Variants in HSPBAP1 observed in about 807,000 individuals in gnomAD.
HSPBAP1 encodes HSPB1 associated protein 1.
HSPBAP1 carries 27 observed loss-of-function variants against 45.2 expected under a neutral mutation model. The ratio of observed to expected loss-of-function variants is 0.60; its 90% confidence interval spans 0.44 to 0.82. HSPBAP1 has a LOEUF of 0.82. Ranked by LOEUF, HSPBAP1 falls within the 40% of genes least tolerant of loss-of-function variation. HSPBAP1 has a pLI of 0.00. For synonymous variants in HSPBAP1, 204 were observed against 202.7 expected (o/e 1.01, Z -0.06); for missense variants, 510 against 590.9 (o/e 0.86, Z 1.42).
chr3:122,785,488 G>C (rs1935624173), intron 1 of HSPBAP1, among the ~76,000 whole-genome samples: 1 of 152,136 alleles, frequency 6.6e-6, no homozygotes, highest in Admixed American at 6.5e-5. Flanking sequence ...CAAGAATCCT[G>C]TTAGGTTGGT....
Position 122,777,830 on chromosome 3 carries a change from A to C in HSPBAP1, c.141T>G (p.Cys47Trp). 6.2e-7 allele frequency: 1 copy of C among 1,613,944 alleles called. No individual in the cohort carries two copies. Among genetic ancestry groups the C allele is most frequent in the East Asian group, 2.2e-5 (1 of 44,884 alleles). The change falls in exon 2 of 8, where the codon TGT becomes TGG. Residue 47 changes from cysteine (C) to tryptophan (W), a missense_variant. Physicochemically the swap from Cys to Trp is radical, Grantham distance 215. Coordinates refer to ENST00000306103, the MANE Select transcript of HSPBAP1 (RefSeq NM_024610.6). Reference sequence around the variant, plus strand: ...GTGCTGGCCAATCAAACACCATGTTACAGAAGATTGCAGGTTGTTGTAAAG... The same window carrying C: ...GTGCTGGCCAATCAAACACCATGTTCCAGAAGATTGCAGGTTGTTGTAAAG... Reference protein sequence around the residue: ...IMSLQQPAIFCNMVFDWPARH... With the variant: ...IMSLQQPAIFWNMVFDWPARH...
chr3:122,741,503 A>G (rs1259613294), intron 6 of HSPBAP1: 9 of 177,024 alleles, frequency 5.1e-5, no homozygotes, highest in Admixed American at 1.1e-4. Flanking sequence ...AAAAATTACA[A>G]TAAACATGCT....
intron 3 of HSPBAP1, 71 bp downstream of exon 3, chr3:122,768,630 G>A: frequency 9.8e-7 from 1 of 1,023,822 alleles, no homozygotes; most frequent in Non-Finnish European, 1.5e-6. Flanking sequence ...AAGGTGCCAG[G>A]GAGATTCTAA....
intron 1 of HSPBAP1, among the ~76,000 whole-genome samples, chr3:122,782,395 A>C (rs1408602132): frequency 6.6e-6 from 1 of 152,202 alleles, no homozygotes; most frequent in Non-Finnish European, 1.5e-5. Context: ...TTACTATTTA[A>C]ATAAATTTCA....
rs1272692471 is a variant in HSPBAP1 at position 122,744,985 on chromosome 3, C to CT, written c.826-3873dup. ...TTATCAATTCAACAAAATTCAATACCTTTTCCTGATTTTGAAAAAAACAAA... is the reference window on the plus strand; with the variant it reads ...TTATCAATTCAACAAAATTCAATACCTTTTTCCTGATTTTGAAAAAAACAAA... On this transcript the variant is annotated intron_variant, in intron 6 of 7. Coordinates refer to ENST00000306103, the MANE Select transcript of HSPBAP1 (RefSeq NM_024610.6). Among the ~76,000 whole-genome samples, 9 of 151,036 alleles carry CT rather than the reference C, an allele frequency of 6.0e-5. No individual in the cohort carries two copies. In the East Asian group the frequency reaches 1.8e-3, roughly 29 times the overall value.
chr3:122,779,841 C>T (rs1447659988), intron 1 of HSPBAP1, among the ~76,000 whole-genome samples: 3 of 152,096 alleles, frequency 2.0e-5, no homozygotes, highest in Non-Finnish European at 4.4e-5. Context: ...CACAGATCAA[C>T]AGGATACCAA....
chr3:122,747,094 G>A (rs1366026141), intron 6 of HSPBAP1, among the ~76,000 whole-genome samples: 1 of 152,098 alleles, frequency 6.6e-6, no homozygotes, highest in African/African-American at 2.4e-5. Context: ...GAAGTGAGGA[G>A]CATCTCTGCC....
Position 122,793,742 on chromosome 3 carries a change from G to C in HSPBAP1, c.-62C>G. 1 of 1,512,694 alleles carries C rather than the reference G, an allele frequency of 6.6e-7. No individual in the cohort carries two copies. Among genetic ancestry groups the C allele is most frequent in the Non-Finnish European group, 9.2e-7 (1 of 1,092,184 alleles). 93.7% of individuals were successfully genotyped at this position (1,512,694 alleles called of 1,614,324 possible). On this transcript the variant is annotated 5_prime_UTR_variant, in exon 1 of 8. Transcript: ENST00000306103. Reference sequence around the variant, plus strand: ...GGAGCGGAGCTGGGGTGGGGTCAGAGTAGGGGCCAAACTCCGAGACCCGAA... The same window carrying C: ...GGAGCGGAGCTGGGGTGGGGTCAGACTAGGGGCCAAACTCCGAGACCCGAA...
chr3:122,771,703 G>A (rs1935006732), intron 2 of HSPBAP1, among the ~76,000 whole-genome samples: 1 of 152,136 alleles, frequency 6.6e-6, no homozygotes, highest in African/African-American at 2.4e-5. Flanking sequence ...CTGCCACTGA[G>A]CACGTATCTT....
At chr3:122,746,777 C>T (rs907656919) in intron 6 of HSPBAP1, among the ~76,000 whole-genome samples, 3 of 152,040 alleles carry the variant, frequency 2.0e-5, no homozygotes, top group East Asian at 3.9e-4. Flanking sequence ...CTCGGCCTGC[C>T]GAGTGCCTGC....
At chr3:122,781,391 A>C (rs1935464811) in intron 1 of HSPBAP1, among the ~76,000 whole-genome samples, 1 of 152,152 alleles carries the variant, frequency 6.6e-6, no homozygotes, top group South Asian at 2.1e-4. Context: ...CGTCTCCACC[A>C]AAAAAATACG....
intron 6 of HSPBAP1, among the ~76,000 whole-genome samples, chr3:122,750,272 C>A (rs1160254985): frequency 6.6e-6 from 1 of 152,062 alleles, no homozygotes; most frequent in Non-Finnish European, 1.5e-5. Flanking sequence ...CGTGCCCGGC[C>A]TTATGTTACT....
At chr3:122,746,742 C>T (rs914813813) in intron 6 of HSPBAP1, among the ~76,000 whole-genome samples, 37 of 152,218 alleles carry the variant, frequency 2.4e-4, no homozygotes, top group African/African-American at 8.9e-4. Flanking sequence ...CGGCTCACTG[C>T]AACCTCCCTG....
At chr3:122,782,003 GTAGA>G (rs1471888786) in intron 1 of HSPBAP1, among the ~76,000 whole-genome samples, 2 of 152,046 alleles carry the variant, frequency 1.3e-5, no homozygotes, top group African/African-American at 4.8e-5. Context: ...TTAAATTTTG[GTAGA>G]TATTTACAAT....
At chr3:122,770,465 G>A (rs1389928650) in intron 2 of HSPBAP1, among the ~76,000 whole-genome samples, 5 of 152,134 alleles carry the variant, frequency 3.3e-5, no homozygotes, top group Non-Finnish European at 5.9e-5. Context: ...TTGGGAGGCC[G>A]AGGTGGGAGG....
intron 6 of HSPBAP1, among the ~76,000 whole-genome samples, chr3:122,742,163 T>G (rs1282352899): frequency 6.7e-6 from 1 of 148,884 alleles, no homozygotes; most frequent in African/African-American, 2.4e-5. Flanking sequence ...ATATAATAAA[T>G]TATTGATATA....
chr3:122,749,703 G>A (rs1323464387), intron 6 of HSPBAP1, among the ~76,000 whole-genome samples: 1 of 152,036 alleles, frequency 6.6e-6, no homozygotes, highest in African/African-American at 2.4e-5. Context: ...CCACCTCCTG[G>A]GTTCAAGTGA....
chr3:122,752,815 G>GA (rs1375323860), intron 5 of HSPBAP1, 141 bp from the exon 6 acceptor site: 30 of 1,387,938 alleles, frequency 2.2e-5, no homozygotes, highest in Admixed American at 6.9e-5. Context: ...AGTAAAGTAA[G>GA]AAAAAAAACC....
intron 1 of HSPBAP1, among the ~76,000 whole-genome samples, chr3:122,784,529 A>G (rs1935591563): frequency 6.6e-6 from 1 of 152,252 alleles, no homozygotes; most frequent in South Asian, 2.1e-4. Context: ...GGCTGTCTAG[A>G]AATATGTAGA....
Sources: allele counts gnomAD v4.1 joint callset (sites outside exome capture counted in the v4.1 genomes callset), GRCh38; gene constraint gnomAD v4.1.1; transcripts MANE v1.5; gene names NCBI Gene and HGNC (gene_info 2026-07-23, HGNC 2026-07-21).